The following TSC22D1 variants were observed in gnomAD, a reference collection of about 807,000 sequenced individuals.
TSC22D1 encodes TSC22 domain family protein 1.
A neutral mutation model predicts 74.2 loss-of-function variants in TSC22D1; 9 were observed. The ratio of observed to expected loss-of-function variants is 0.12; its 90% CI spans 0.07 to 0.21. The LOEUF (loss-of-function observed/expected upper bound fraction) is 0.21. Ranked by LOEUF, TSC22D1 falls within the 10% of genes least tolerant of loss-of-function variation. TSC22D1 has a pLI of 1.00. For missense variants in TSC22D1, 1,427 were observed against 1,304.7 expected (o/e 1.09, Z -1.44); for synonymous variants, 586 against 492.5 (o/e 1.19, Z -2.51).
At chr13:44,550,456 C>G (rs1035041692) in intron 1 of TSC22D1, among the ~76,000 whole-genome samples, 2 of 151,722 alleles carry the variant, frequency 1.3e-5, no homozygotes, top group African/African-American at 2.4e-5. Context: ...GTGGCGCATG[C>G]CTGTAATCCC....
intron 1 of TSC22D1, among the ~76,000 whole-genome samples, chr13:44,565,343 G>A (rs1181487430): frequency 2.0e-5 from 3 of 152,058 alleles, no homozygotes; most frequent in African/African-American, 7.2e-5. Flanking sequence ...ATCACAAAAC[G>A]CAAAATAGAG....
In TSC22D1 at chr13:44,511,619, TACAC is replaced by T. The variant is rs66743224; in HGVS notation, c.2912+61540_2912+61543del. ...TGACAGCTTTCTGAATAAAAAGAAA[TACAC>T]ACACACACACACACACACACACACA... On this transcript the variant is annotated intron_variant, in intron 1 of 2. Coordinates refer to ENST00000458659, the MANE Select transcript of TSC22D1 (RefSeq NM_183422.4). 7.3e-3 allele frequency among the ~76,000 whole-genome samples: 1,075 copies of T among 148,122 alleles called. 11 individuals carry two copies. Among genetic ancestry groups the T allele is most frequent in the African/African-American group, 0.018 (728 of 40,048 alleles).
chr13:44,520,577 A>G (rs975909693), intron 1 of TSC22D1, among the ~76,000 whole-genome samples: 1 of 145,528 alleles, frequency 6.9e-6, no homozygotes, highest in Non-Finnish European at 1.5e-5. Flanking sequence ...TCTATGCATA[A>G]GAGAAGGATC....
chr13:44,459,905 G>A (rs766639889), intron 1 of TSC22D1, among the ~76,000 whole-genome samples: 114 of 152,264 alleles, frequency 7.5e-4, no homozygotes, highest in Non-Finnish European at 7.1e-4. Context: ...GCAGGCATGG[G>A]TGCCTGTCTC....
At chr13:44,556,040 G>A (rs1423529356) in intron 1 of TSC22D1, among the ~76,000 whole-genome samples, 1 of 151,814 alleles carries the variant, frequency 6.6e-6, no homozygotes, top group Admixed American at 6.6e-5. Context: ...AAAAATTATG[G>A]AACACACAAG....
chr13:44,559,940 C>T (rs1190566312), intron 1 of TSC22D1, among the ~76,000 whole-genome samples: 1 of 152,000 alleles, frequency 6.6e-6, no homozygotes, highest in Admixed American at 6.6e-5. Flanking sequence ...GATCCGCCCG[C>T]CTTGGCCTCC....
chr13:44,448,193 T>C (rs1770129447), intron 1 of TSC22D1, among the ~76,000 whole-genome samples: 1 of 152,174 alleles, frequency 6.6e-6, no homozygotes, highest in Non-Finnish European at 1.5e-5. Context: ...GGTTCTTGCA[T>C]GAAGTGAAAA....
At chr13:44,444,747 T>C (rs1280446519) in intron 1 of TSC22D1, among the ~76,000 whole-genome samples, 1 of 152,068 alleles carries the variant, frequency 6.6e-6, no homozygotes, top group Non-Finnish European at 1.5e-5. Flanking sequence ...TTAGGAAATA[T>C]TCTGAACTGA....
chr13:44,501,707 G>A (rs1879225224), intron 1 of TSC22D1, among the ~76,000 whole-genome samples: 1 of 152,130 alleles, frequency 6.6e-6, no homozygotes, highest in Non-Finnish European at 1.5e-5. Context: ...ATAAACACAT[G>A]AAAAGCTAAA....
At chr13:44,493,639 T>G (rs1346317014) in intron 1 of TSC22D1, among the ~76,000 whole-genome samples, 1 of 152,150 alleles carries the variant, frequency 6.6e-6, no homozygotes, top group East Asian at 1.9e-4. Context: ...AGAAAAGACC[T>G]GAGAAGACCC....
At chr13:44,556,509 G>A (rs928432826) in intron 1 of TSC22D1, among the ~76,000 whole-genome samples, 1 of 149,844 alleles carries the variant, frequency 6.7e-6, no homozygotes, top group African/African-American at 2.5e-5. Context: ...TCGTGCAAAT[G>A]CACTCCAGTC....
rs762706277 is a variant in TSC22D1, at chr13:44,575,243, A to C, written c.832T>G (p.Ser278Ala). 6.2e-7 allele frequency: 1 copy of C among 1,614,134 alleles called. No individual in the cohort carries two copies. Among genetic ancestry groups the C allele is most frequent in the Admixed American group, 1.7e-5 (1 of 60,030 alleles). The change falls in exon 1 of 3, where the codon TCT becomes GCT. Residue 278 changes from serine to alanine, a missense_variant. Transcript: ENST00000458659. ...SDSITPVAPTSAVSSSGSPAS... is the reference protein window; with the variant it reads ...SDSITPVAPTAAVSSSGSPAS... ...GGTGAACCACTGGATGATACAGCAG[A>C]AGTTGGTGCAACTGGTGTGATACTG...
At chr13:44,499,775 T>C (rs1248673649) in intron 1 of TSC22D1, among the ~76,000 whole-genome samples, 1 of 152,180 alleles carries the variant, frequency 6.6e-6, no homozygotes, top group Non-Finnish European at 1.5e-5. Flanking sequence ...ATTTCCATCT[T>C]TGCAATTGGC....
At chr13:44,449,345 A>T (rs538094023) in intron 1 of TSC22D1, among the ~76,000 whole-genome samples, 9 of 152,252 alleles carry the variant, frequency 5.9e-5, no homozygotes, top group East Asian at 1.9e-4. Context: ...TGCCTAAAGA[A>T]GATTTTCAAA....
At chr13:44,518,537 T>C (rs2138033060) in intron 1 of TSC22D1, among the ~76,000 whole-genome samples, 1 of 152,314 alleles carries the variant, frequency 6.6e-6, no homozygotes, top group South Asian at 2.1e-4. Flanking sequence ...AAAACCCTAT[T>C]AAGGCTGGAA....
chr13:44,556,426 C>CGGAA (rs1882646059), intron 1 of TSC22D1, among the ~76,000 whole-genome samples: 1 of 151,504 alleles, frequency 6.6e-6, no homozygotes, highest in Non-Finnish European at 1.5e-5. Flanking sequence ...CACGCCTGTA[C>CGGAA]TTCCAGCTAC....
At chr13:44,456,351 C>T (rs536307634) in intron 1 of TSC22D1, among the ~76,000 whole-genome samples, 1 of 152,252 alleles carries the variant, frequency 6.6e-6, no homozygotes, top group South Asian at 2.1e-4. Flanking sequence ...ACTGATTGGT[C>T]CATTTTACAG....
Position 44,575,658 on chromosome 13 carries a change from A to G in TSC22D1, c.417T>C (p.Asp139=), listed in dbSNP as rs141618243. 30 of 1,614,136 alleles carry G rather than the reference A, an allele frequency of 1.9e-5. No homozygotes were observed. In the African/African-American group the frequency reaches 3.5e-4, roughly 19 times the overall value. ...CTTCCGTGTGAGATTCATCCAGATC[A>G]TCATAGCTCTCAGTGTCCTCTGCTA... ...NSIAEDTESY[D]DLDESHTEDL... Residue 139 remains aspartate, a synonymous_variant, in exon 1 of 3, where the codon GAT becomes GAC. Transcript: ENST00000458659.
intron 1 of TSC22D1, among the ~76,000 whole-genome samples, chr13:44,545,617 A>AT (rs1246142435): frequency 1.3e-5 from 2 of 150,298 alleles, no homozygotes; most frequent in Non-Finnish European, 3.0e-5. Context: ...TTCCTACTGT[A>AT]TTTTTTCATT....
Sources: gnomAD v4.1 joint callset for allele counts (sites outside exome capture counted in the v4.1 genomes callset) on GRCh38, gnomAD v4.1.1 for gene constraint, MANE v1.5 for transcripts, NCBI Gene and HGNC (gene_info 2026-07-23, HGNC 2026-07-21) for gene names.